Variants in ARB2A observed in about 807,000 individuals in gnomAD.
ARB2A encodes the protein ARB2 cotranscriptional regulator A.
At chr5:93,683,572 A>C in the ARB2A span, 2 of 1,446,286 alleles carry the variant, frequency 1.4e-6, no homozygotes, top group East Asian at 2.3e-5. Context: ...CACCAGCCCT[A>C]AACTGGCCGT....
the ARB2A span, among the ~76,000 whole-genome samples, chr5:94,060,019 TA>T: frequency 6.6e-6 from 1 of 151,918 alleles, no homozygotes; most frequent in Non-Finnish European, 1.5e-5. Flanking sequence ...CTTCAACAGG[TA>T]ATAGTAAAAC....
chr5:93,722,348 T>C, the ARB2A span, among the ~76,000 whole-genome samples: 91 of 152,210 alleles, frequency 6.0e-4, no homozygotes, highest in African/African-American at 2.1e-3. Flanking sequence ...AAAACTTTGT[T>C]TAGTTATGGG....
At chr5:93,623,064 C>T in the ARB2A span, among the ~76,000 whole-genome samples, 31 of 152,014 alleles carry the variant, frequency 2.0e-4, no homozygotes, top group African/African-American at 6.8e-4. Flanking sequence ...TCTAGGAGGA[C>T]CAGTTTCTGG....
At chr5:93,743,585 A>G in the ARB2A span, 3 of 984,286 alleles carry the variant, frequency 3.0e-6, no homozygotes, top group Non-Finnish European at 3.6e-6. Context: ...GCCAAACGGA[A>G]TGAAAGCTGG....
At chr5:93,669,836 G>A in the ARB2A span, among the ~76,000 whole-genome samples, 2 of 152,094 alleles carry the variant, frequency 1.3e-5, no homozygotes, top group East Asian at 1.9e-4. Context: ...AGTTTCACAC[G>A]TTGGTAAAAA....
the ARB2A span, among the ~76,000 whole-genome samples, chr5:94,100,042 T>C: frequency 6.6e-6 from 1 of 152,180 alleles, no homozygotes; most frequent in Non-Finnish European, 1.5e-5. Flanking sequence ...GAAAACCCCA[T>C]GGTCTGAGCC....
the ARB2A span, among the ~76,000 whole-genome samples, chr5:94,065,683 T>A: frequency 1.3e-5 from 2 of 152,184 alleles, no homozygotes; most frequent in African/African-American, 4.8e-5. Flanking sequence ...AATATAACAA[T>A]TCTAAACATA....
the ARB2A span, among the ~76,000 whole-genome samples, chr5:94,004,442 C>T: frequency 3.3e-5 from 5 of 151,834 alleles, no homozygotes; most frequent in Non-Finnish European, 7.4e-5. Flanking sequence ...ATTAGCCAGG[C>T]ATTGTGGCAG....
the ARB2A span, chr5:93,781,800 T>C: frequency 5.1e-6 from 4 of 790,882 alleles, no homozygotes; most frequent in Non-Finnish European, 6.1e-6. Flanking sequence ...TTTTTTCATA[T>C]GTTTATTGGC....
chr5:93,743,488 T>A, the ARB2A span: 1 of 961,302 alleles, frequency 1.0e-6, no homozygotes, highest in African/African-American at 1.8e-5. Context: ...ATACAGAAGT[T>A]CATTTAAGAA....
At chr5:93,919,433 AT>A in the ARB2A span, among the ~76,000 whole-genome samples, 2 of 152,076 alleles carry the variant, frequency 1.3e-5, no homozygotes. Context: ...ATTAGCAAAG[AT>A]TTTTTTGATT....
chr5:94,086,977 T>C, the ARB2A span, among the ~76,000 whole-genome samples: 1 of 152,176 alleles, frequency 6.6e-6, no homozygotes, highest in Non-Finnish European at 1.5e-5. Flanking sequence ...AAGAAGGCAT[T>C]GTTATCATAG....
At chr5:94,057,378 C>G in the ARB2A span, among the ~76,000 whole-genome samples, 1 of 151,944 alleles carries the variant, frequency 6.6e-6, no homozygotes, top group African/African-American at 2.4e-5. Flanking sequence ...TTGCTGAGGG[C>G]TGGGCAGAGA....
the ARB2A span, among the ~76,000 whole-genome samples, chr5:94,034,343 A>G: frequency 6.6e-6 from 1 of 152,198 alleles, no homozygotes. Context: ...GTTTAGAGGT[A>G]TATCTACCAC....
the ARB2A span, among the ~76,000 whole-genome samples, chr5:94,054,414 T>C: frequency 1.1e-4 from 16 of 152,276 alleles, no homozygotes; most frequent in African/African-American, 1.7e-4. Context: ...AGGTATTTTA[T>C]AGAATGACCC....
At chr5:93,741,404 T>A in the ARB2A span, 1 of 1,613,286 alleles carries the variant, frequency 6.2e-7, no homozygotes, top group South Asian at 1.1e-5. Context: ...CCTGGGCAGA[T>A]CCCTGGCCTG....
chr5:94,065,333 G>A, the ARB2A span, among the ~76,000 whole-genome samples: 1 of 152,144 alleles, frequency 6.6e-6, no homozygotes, highest in Non-Finnish European at 1.5e-5. Context: ...GGCCTACATG[G>A]TGAAACCCCA....
At chr5:93,761,131 G>A in the ARB2A span, among the ~76,000 whole-genome samples, 4 of 152,142 alleles carry the variant, frequency 2.6e-5, no homozygotes, top group Non-Finnish European at 1.5e-5. Context: ...CAGCATGAGC[G>A]ACGCAGAAGA....
the ARB2A span, among the ~76,000 whole-genome samples, chr5:94,041,124 C>T: frequency 1.3e-5 from 2 of 151,710 alleles, no homozygotes; most frequent in African/African-American, 4.8e-5. Flanking sequence ...CTGTGCAAAC[C>T]GGTTGAATAA....
Sources: allele counts gnomAD v4.1 joint callset (sites outside exome capture counted in the v4.1 genomes callset), GRCh38; gene constraint gnomAD v4.1.1; transcripts MANE v1.5; gene names NCBI Gene and HGNC (gene_info 2026-07-23, HGNC 2026-07-21).